Variants in ZBTB43 observed in about 807,000 individuals in gnomAD.
ZBTB43 encodes the protein zinc finger and BTB domain containing 43.
A neutral mutation model predicts 31.1 loss-of-function variants in ZBTB43; 6 were observed. The observed-to-expected ratio is 0.19, with a 90% CI of 0.11 to 0.38. ZBTB43 has a LOEUF of 0.38. Among genes scored for constraint, ZBTB43 ranks in the 10% least tolerant of loss-of-function variants. The pLI is 1.00. For missense variants in ZBTB43, 379 were observed against 602.1 expected (o/e 0.63, Z 3.88); for synonymous variants, 212 against 221.7 (o/e 0.96, Z 0.39).
chr9:126,832,236 C>T, intron 2 of ZBTB43: 1 of 433,462 alleles, frequency 2.3e-6, no homozygotes, highest in Non-Finnish European at 4.1e-6. Context: ...AAATCTTGTC[C>T]CTATGGATTC....
intron 2 of ZBTB43, among the ~76,000 whole-genome samples, chr9:126,810,079 CGGGCCTCAGCCTCCCAAAGTGCTGGG>C (rs1445269020): frequency 6.6e-6 from 1 of 152,148 alleles, no homozygotes; most frequent in Non-Finnish European, 1.5e-5. Context: ...TTGTGATCCA[CGGGCCTCAGCCTCCCAAAGTGCTGGG>C]ATTACAGACG....
chr9:126,824,295 G>A (rs2032582353), intron 2 of ZBTB43, among the ~76,000 whole-genome samples: 1 of 152,320 alleles, frequency 6.6e-6, no homozygotes, highest in East Asian at 1.9e-4. Flanking sequence ...AAAGTGCTGG[G>A]ATTATAGGCA....
At chr9:126,830,741 T>G (rs2032746934) in intron 2 of ZBTB43, among the ~76,000 whole-genome samples, 1 of 151,738 alleles carries the variant, frequency 6.6e-6, no homozygotes. Context: ...TTGGGTGGTT[T>G]TTTTTTTTTT....
At chr9:126,819,024 T>C (rs1160409484) in intron 2 of ZBTB43, among the ~76,000 whole-genome samples, 1 of 152,210 alleles carries the variant, frequency 6.6e-6, no homozygotes, top group African/African-American at 2.4e-5. Context: ...TCCTTGATAG[T>C]TATAGGTCTT....
chr9:126,811,209 C>G (rs1278157819), intron 2 of ZBTB43, among the ~76,000 whole-genome samples: 3 of 144,114 alleles, frequency 2.1e-5, no homozygotes, highest in Non-Finnish European at 4.5e-5. Context: ...GCGACAGAGA[C>G]TCCATCTCAA....
At chr9:126,809,347 T>G (rs946211534) in intron 2 of ZBTB43, among the ~76,000 whole-genome samples, 3 of 152,362 alleles carry the variant, frequency 2.0e-5, no homozygotes, top group East Asian at 1.9e-4. Flanking sequence ...ATTTCACTAA[T>G]GTAAAGAGTA....
At chr9:126,819,499 G>A (rs1320257512) in intron 2 of ZBTB43, among the ~76,000 whole-genome samples, 2 of 151,810 alleles carry the variant, frequency 1.3e-5, no homozygotes, top group Non-Finnish European at 2.9e-5. Flanking sequence ...TTGTTTTGAG[G>A]CACCACAAAC....
intron 2 of ZBTB43, among the ~76,000 whole-genome samples, chr9:126,811,809 A>G (rs1011381276): frequency 5.3e-5 from 8 of 152,142 alleles, no homozygotes; most frequent in African/African-American, 1.2e-4. Context: ...TGTTTTTAGT[A>G]GAGACGGGGT....
chr9:126,807,762 A>C (rs2032159922), intron 1 of ZBTB43, among the ~76,000 whole-genome samples: 1 of 151,954 alleles, frequency 6.6e-6, no homozygotes, highest in Non-Finnish European at 1.5e-5. Context: ...CAACCTCCCG[A>C]GTAGCTGGGA....
intron 2 of ZBTB43, among the ~76,000 whole-genome samples, chr9:126,827,736 G>A (rs1417329470): frequency 6.6e-6 from 1 of 152,180 alleles, no homozygotes; most frequent in Non-Finnish European, 1.5e-5. Flanking sequence ...GGCCGGGCGA[G>A]GTGGCTCACG....
intron 2 of ZBTB43, among the ~76,000 whole-genome samples, chr9:126,822,934 T>TG: frequency 6.6e-6 from 1 of 152,322 alleles, no homozygotes; most frequent in East Asian, 1.9e-4. Context: ...GTACTTTTTT[T>TG]TTTTTAGACA....
intron 2 of ZBTB43, among the ~76,000 whole-genome samples, chr9:126,821,330 C>T (rs146741262): frequency 0.015 from 2,290 of 151,904 alleles, 20 homozygotes; most frequent in Non-Finnish European, 0.019. Flanking sequence ...GAGCTGGGAT[C>T]GCACCACTGC....
In ZBTB43 at chr9:126,817,100, CTTTTTTTTTTTTTTT is replaced by C. The variant is rs780632905; in HGVS notation, c.-24+8199_-24+8213del. Among the ~76,000 whole-genome samples, 249 of 55,388 alleles carry C rather than the reference CTTTTTTTTTTTTTTT, an allele frequency of 4.5e-3. 3 individuals are homozygous for C. Among genetic ancestry groups the C allele is most frequent in the African/African-American group, 0.016 (232 of 14,150 alleles). The allele number at this position is 55,388 out of a possible 152,430, so 36.3% of individuals were successfully genotyped here. ...CAACTTGGCCCCATTTCCACTGTAT[CTTTTTTTTTTTTTTT>C]TTTTTTTTTTTTTGAGACAGAGTCT... is the stretch of plus-strand genomic sequence containing the variant. On this transcript the variant is annotated intron_variant, in intron 2 of 2. Transcript: ENST00000373464.
intron 2 of ZBTB43, among the ~76,000 whole-genome samples, chr9:126,829,579 TTAAAGGATGTA>T (rs1429888030): frequency 1.3e-5 from 2 of 152,234 alleles, no homozygotes; most frequent in African/African-American, 4.8e-5. Flanking sequence ...GTAGGGATTT[TTAAAGGATGTA>T]TATGATTTAT....
At chr9:126,818,291 T>TAA (rs200737422) in intron 2 of ZBTB43, among the ~76,000 whole-genome samples, 118 of 145,712 alleles carry the variant, frequency 8.1e-4, no homozygotes, top group Admixed American at 3.5e-3. Flanking sequence ...CCTGGCTAAT[T>TAA]AAAAAATATA....
intron 2 of ZBTB43, among the ~76,000 whole-genome samples, chr9:126,818,059 T>A (rs76042937): frequency 3.3e-5 from 5 of 151,914 alleles, no homozygotes; most frequent in African/African-American, 1.2e-4. Flanking sequence ...AACAACATGG[T>A]ATTCTATTTA....
chr9:126,805,417 C>T (rs372486672), intron 1 of ZBTB43, among the ~76,000 whole-genome samples: 40 of 152,196 alleles, frequency 2.6e-4, no homozygotes, highest in South Asian at 8.3e-4. Context: ...CCGGCCACAG[C>T]GCTTAGAGAT....
chr9:126,812,094 G>A (rs1461794816), intron 2 of ZBTB43, among the ~76,000 whole-genome samples: 1 of 151,638 alleles, frequency 6.6e-6, no homozygotes, highest in Non-Finnish European at 1.5e-5. Flanking sequence ...TCTTCTACCT[G>A]TAGCCACGAA....
chr9:126,827,234 C>G (rs1357068794), intron 2 of ZBTB43, among the ~76,000 whole-genome samples: 4 of 152,160 alleles, frequency 2.6e-5, no homozygotes, highest in Non-Finnish European at 5.9e-5. Context: ...TGTGCGTGTA[C>G]AGATGTAGGT....
Sources: gnomAD v4.1 joint callset for allele counts (sites outside exome capture counted in the v4.1 genomes callset) on GRCh38, gnomAD v4.1.1 for gene constraint, MANE v1.5 for transcripts, NCBI Gene and HGNC (gene_info 2026-07-23, HGNC 2026-07-21) for gene names.